The following ZNF569 variants were observed in gnomAD, a reference collection of about 807,000 sequenced individuals.
ZNF569 encodes the protein DNA-binding protein.
Under a neutral mutation model 56.3 loss-of-function variants are expected in ZNF569, and 38 were observed. The ratio of observed to expected loss-of-function variants is 0.68; its 90% CI spans 0.52 to 0.88. The LOEUF is 0.88. Ranked by LOEUF, ZNF569 falls within the 40% of genes least tolerant of loss-of-function variation. The probability of loss-of-function intolerance (pLI) is 0.00; values close to 1 mark genes in which losing one functional copy is unlikely to be tolerated. For missense variants in ZNF569, 666 were observed against 809.2 expected (o/e 0.82, Z 2.15); for synonymous variants, 241 against 262.9 (o/e 0.92, Z 0.81).
At chr19:37,466,783 C>T (rs572906275) in intron 1 of ZNF569, 1 of 152,438 alleles carries the variant, frequency 6.6e-6, no homozygotes, top group African/African-American at 2.4e-5. Context: ...CACTGTCATG[C>T]ACGTTTGCAC....
chr19:37,440,975 T>C (rs1160329833), intron 3 of ZNF569, among the ~76,000 whole-genome samples: 1 of 152,208 alleles, frequency 6.6e-6, no homozygotes, highest in Non-Finnish European at 1.5e-5. Flanking sequence ...TATTTTATAC[T>C]ACCTTGGCCT....
At chr19:37,420,415 A>T (rs907845660) in intron 5 of ZNF569, among the ~76,000 whole-genome samples, 1 of 151,952 alleles carries the variant, frequency 6.6e-6, no homozygotes, top group Non-Finnish European at 1.5e-5. Flanking sequence ...AACTGTAGTC[A>T]CTCCTCTCAA....
Position 37,413,760 on chromosome 19 carries a change from A to C in ZNF569, c.898T>G (p.Cys300Gly), listed in dbSNP as rs771952968. The C allele has an allele frequency of 1.2e-6, 2 of 1,613,554 alleles. No individual in the cohort carries two copies. Among genetic ancestry groups the C allele is most frequent in the East Asian group, 4.5e-5 (2 of 44,882 alleles). The change falls in exon 6 of 6, where the codon TGT becomes GGT. Residue 300 changes from cysteine (C) to glycine (G), a missense_variant. By Grantham distance (159) the Cys-to-Gly change is radical. Transcript: ENST00000316950. ...CTGAATGCTTTTCCACACTCATTAC[A>C]TTCATAAGGTTTCTCTCCAGTATGA... ...KIHTGEKPYE[C>G]NECGKAFSQK...
At chr19:37,444,803 T>C in intron 3 of ZNF569, 104 bp downstream of exon 3, 2 of 825,394 alleles carry the variant, frequency 2.4e-6, no homozygotes, top group Non-Finnish European at 3.7e-6. Flanking sequence ...TGAAAATATG[T>C]TTTATGTATA....
At chr19:37,469,019 C>G (rs978479530), upstream of ZNF569, 3 of 982,946 alleles carry the variant, frequency 3.1e-6, no homozygotes, top group African/African-American at 3.5e-5. Context: ...CAACTCCCCG[C>G]CCTGGTTGCT....
At chr19:37,460,030 G>A (rs77722315) in intron 2 of ZNF569, among the ~76,000 whole-genome samples, 4,248 of 152,206 alleles carry the variant, frequency 0.028, 102 homozygotes, top group South Asian at 0.1. Context: ...GACAAAGGAG[G>A]GGAGAAGAGA....
Position 37,413,749 on chromosome 19 carries a change from A to G in ZNF569, c.909T>C (p.Cys303=), listed in dbSNP as rs2040880131. The stretch of plus-strand genomic sequence containing the variant: ...TTTGCTTCTGGCTGAATGCTTTTCC[A>G]CACTCATTACATTCATAAGGTTTCT... ...TGEKPYECNE[C]GKAFSQKQSL... The change falls in exon 6 of 6, where the codon TGT becomes TGC. Residue 303 remains cysteine (C), a synonymous_variant. Coordinates refer to ENST00000316950, the MANE Select transcript of ZNF569 (RefSeq NM_152484.3). 6.2e-7 allele frequency: 1 copy of G among 1,613,490 alleles called. No homozygotes were observed. Among genetic ancestry groups the G allele is most frequent in the Non-Finnish European group, 8.5e-7 (1 of 1,179,858 alleles).
intron 5 of ZNF569, among the ~76,000 whole-genome samples, chr19:37,421,190 G>A (rs1302188366): frequency 1.3e-5 from 2 of 152,072 alleles, no homozygotes; most frequent in Admixed American, 1.3e-4. Context: ...TAATTCCTAA[G>A]GGCCCTAGGA....
At chr19:37,449,311 T>C (rs1419531499) in intron 2 of ZNF569, among the ~76,000 whole-genome samples, 4 of 152,242 alleles carry the variant, frequency 2.6e-5, no homozygotes, top group Non-Finnish European at 5.9e-5. Context: ...GAATGTTCTA[T>C]AAATGTCACT....
At chr19:37,461,985 G>A (rs998739726) in intron 2 of ZNF569, among the ~76,000 whole-genome samples, 69 of 152,034 alleles carry the variant, frequency 4.5e-4, no homozygotes, top group Admixed American at 1.8e-3. Context: ...GGTCTTTGAT[G>A]GTGCCTGAAA....
rs1455726151 is a variant in ZNF569, at chr19:37,411,406, T to A, written c.*1191A>T. ...CTATAGGTAGATTTTGTTTCTAAATTCTGTATTTTATCACAGAAATGATCA... is the reference window on the plus strand; with the variant it reads ...CTATAGGTAGATTTTGTTTCTAAATACTGTATTTTATCACAGAAATGATCA... On this transcript the variant is annotated 3_prime_UTR_variant, in exon 6 of 6. Coordinates refer to ENST00000316950, the MANE Select transcript of ZNF569 (RefSeq NM_152484.3). 6.6e-6 allele frequency: 1 copy of A among 152,166 alleles called. No homozygotes were observed. The highest frequency in any genetic ancestry group is 2.4e-5 in the African/African-American group (1 of 41,462). 9.4% of individuals were successfully genotyped at this position (152,166 alleles called of 1,614,324 possible).
intron 2 of ZNF569, among the ~76,000 whole-genome samples, chr19:37,446,033 T>C (rs1182189267): frequency 6.6e-6 from 1 of 152,078 alleles, no homozygotes; most frequent in Non-Finnish European, 1.5e-5. Context: ...AGGCATTACA[T>C]TATCTGACTT....
rs2040853148 is a variant in ZNF569 at position 37,412,429 on chromosome 19, T to C, written c.*168A>G. 1 of 1,213,482 alleles carries C rather than the reference T, an allele frequency of 8.2e-7. No individual in the cohort carries two copies. The highest frequency in any genetic ancestry group is 1.1e-6 in the Non-Finnish European group (1 of 942,466). 75.2% of individuals were successfully genotyped at this position (1,213,482 alleles called of 1,614,324 possible). A position where few individuals can be genotyped will look rare whatever the true frequency, so the allele number is the denominator to read the frequency against. On this transcript the variant is annotated 3_prime_UTR_variant, in exon 6 of 6. Transcript: ENST00000316950. ...GTTTCTGGTAACAGCTTTTTCATTA[T>C]ATAATTTGTCACCTTGGAAGAATTC...
chr19:37,411,551 G>A lies in ZNF569; in HGVS notation c.*1046C>T, dbSNP rs893463574. On this transcript the variant is annotated 3_prime_UTR_variant, in exon 6 of 6. Coordinates refer to ENST00000316950, the MANE Select transcript of ZNF569 (RefSeq NM_152484.3). ...TTTGTGTACATTTGTGGGTGCCTGTGAGGCCAATACACCAAAATTCAACAG... is the reference window on the plus strand; with the variant it reads ...TTTGTGTACATTTGTGGGTGCCTGTAAGGCCAATACACCAAAATTCAACAG... 1.3e-4 allele frequency: 20 copies of A among 152,086 alleles called. No individual in the cohort carries two copies. The highest frequency in any genetic ancestry group is 4.8e-4 in the African/African-American group (20 of 41,428). The allele number at this position is 152,086 out of a possible 1,614,324, so 9.4% of individuals were successfully genotyped here. A position where few individuals can be genotyped will look rare whatever the true frequency, so the allele number is the denominator to read the frequency against.
In ZNF569 at chr19:37,426,311, GCAGGATCCAATCTCTTC is replaced by G; in HGVS notation, c.66_82del (p.Trp22CysfsTer15). On this transcript the variant is annotated frameshift_variant, in exon 4 of 6. Transcript: ENST00000316950. LOFTEE classifies it high-confidence loss of function. ...CACATTCCGGTACAGTTTTCTCTGAGCAGGATCCAATCTCTTCCACTCCTCCTGAGTGAAGTCGATAG... is the reference window on the plus strand; with the variant it reads ...CACATTCCGGTACAGTTTTCTCTGAGCACTCCTCCTGAGTGAAGTCGATAG... 4.3e-6 allele frequency: 7 copies of G among 1,613,868 alleles called. No homozygotes were observed. The highest frequency in any genetic ancestry group is 5.9e-6 in the Non-Finnish European group (7 of 1,179,886).
upstream of ZNF569, chr19:37,467,792 A>G: frequency 7.9e-7 from 1 of 1,261,430 alleles, no homozygotes; most frequent in Non-Finnish European, 1.1e-6. Context: ...GTCCAGTGAC[A>G]TCTGAGGTCG....
intron 2 of ZNF569, among the ~76,000 whole-genome samples, chr19:37,449,471 G>C (rs1036795128): frequency 2.0e-5 from 3 of 152,138 alleles, no homozygotes; most frequent in Non-Finnish European, 4.4e-5. Flanking sequence ...AATTGTGCGT[G>C]TGTCTATTTC....
chr19:37,423,203 A>C (rs1331449352), intron 5 of ZNF569, among the ~76,000 whole-genome samples: 1 of 152,224 alleles, frequency 6.6e-6, no homozygotes, highest in Non-Finnish European at 1.5e-5. Context: ...ATGCCAAAAG[A>C]CAAAAATATA....
intron 3 of ZNF569, among the ~76,000 whole-genome samples, chr19:37,432,638 C>T (rs1400717242): frequency 6.6e-6 from 1 of 152,198 alleles, no homozygotes; most frequent in Non-Finnish European, 1.5e-5. Context: ...CATTCACAGG[C>T]ATTAAGACCA....
Sources: gnomAD v4.1 joint callset for allele counts (sites outside exome capture counted in the v4.1 genomes callset) on GRCh38, gnomAD v4.1.1 for gene constraint, MANE v1.5 for transcripts, NCBI Gene and HGNC (gene_info 2026-07-23, HGNC 2026-07-21) for gene names.